The following WDR26 variants were observed in gnomAD, a reference collection of about 807,000 sequenced individuals.
WDR26 encodes the protein WD repeat domain 26, also known as WD repeat-containing protein 26.
In WDR26, 5 loss-of-function variants were observed where a neutral mutation model predicts 84.1. The observed-to-expected ratio is 0.06, with a 90% CI of 0.03 to 0.13. The LOEUF (loss-of-function observed/expected upper bound fraction) is 0.13, where lower values mean the gene tolerates loss of function less well. Ranked by LOEUF, WDR26 falls within the 10% of genes least tolerant of loss-of-function variation. WDR26 has a pLI of 1.00. For synonymous variants in WDR26, 415 were observed against 389.6 expected (o/e 1.07, Z -0.77); for missense variants, 642 against 974.9 (o/e 0.66, Z 4.55).
At chr1:224,424,231 A>G (rs921338546) in intron 4 of WDR26, among the ~76,000 whole-genome samples, 2 of 152,232 alleles carry the variant, frequency 1.3e-5, no homozygotes, top group Admixed American at 6.5e-5. Flanking sequence ...GTTTTTAACT[A>G]CAAAAGCTGT....
intron 6 of WDR26, 92 bp downstream of exon 6, chr1:224,418,168 G>T: frequency 9.2e-7 from 1 of 1,085,318 alleles, no homozygotes; most frequent in Non-Finnish European, 1.3e-6. Flanking sequence ...GACATGAACT[G>T]TTATATAGCT....
chr1:224,406,328 G>A (rs1384356207), intron 7 of WDR26, among the ~76,000 whole-genome samples: 1 of 152,168 alleles, frequency 6.6e-6, no homozygotes, highest in Non-Finnish European at 1.5e-5. Flanking sequence ...TTTGACTAAA[G>A]GTGGGAAGAA....
chr1:224,414,959 A>C (rs1192257389), intron 6 of WDR26, among the ~76,000 whole-genome samples: 2 of 152,218 alleles, frequency 1.3e-5, no homozygotes, highest in Admixed American at 1.3e-4. Flanking sequence ...GTGAACTATA[A>C]TTGCACCACT....
chr1:224,425,697 G>A (rs1674189738), intron 3 of WDR26, among the ~76,000 whole-genome samples: 1 of 152,136 alleles, frequency 6.6e-6, no homozygotes, highest in South Asian at 2.1e-4. Flanking sequence ...TTTCATCATA[G>A]TTGCTACTTG....
intron 7 of WDR26, among the ~76,000 whole-genome samples, chr1:224,409,380 T>C (rs1673669339): frequency 6.6e-6 from 1 of 152,244 alleles, no homozygotes; most frequent in South Asian, 2.1e-4. Flanking sequence ...CTTTGATTTA[T>C]GCATTTAAAC....
chr1:224,403,162 C>T (rs1673462371), intron 8 of WDR26, among the ~76,000 whole-genome samples: 1 of 152,062 alleles, frequency 6.6e-6, no homozygotes, highest in African/African-American at 2.4e-5. Context: ...AAGCGATTCT[C>T]CTGCCTCAGC....
intron 6 of WDR26, 46 bp from the exon 7 acceptor site, chr1:224,411,611 GTAA>G (rs778130920): frequency 2.0e-6 from 3 of 1,489,258 alleles, no homozygotes; most frequent in South Asian, 1.4e-5. Context: ...ACAGATTAGA[GTAA>G]TAATAATAAA....
intron 3 of WDR26, chr1:224,429,963 A>C (rs1674339242): frequency 6.6e-6 from 1 of 152,236 alleles, no homozygotes; most frequent in Non-Finnish European, 1.5e-5. Context: ...CCAAGAAATC[A>C]CACACATTTT....
rs73125527 is a variant in WDR26 at position 224,400,506 on chromosome 1, G to A, written c.1719+444C>T. On this transcript the variant is annotated intron_variant, in intron 9 of 13. Transcript: ENST00000414423. ...ATTCTATTGGACAGCGCTTGTCTAC[G>A]ACGACAGCAAAGTAGGTGTTCATAG... 9.5e-3 allele frequency among the ~76,000 whole-genome samples: 1,445 copies of A among 152,186 alleles called. 25 individuals carry two copies. Among genetic ancestry groups the A allele is most frequent in the African/African-American group, 0.032 (1,349 of 41,516 alleles).
At chr1:224,419,302 A>G in intron 5 of WDR26, 1 of 495,154 alleles carries the variant, frequency 2.0e-6, no homozygotes, top group South Asian at 3.1e-5. Flanking sequence ...CATAATACAA[A>G]TGAAAGAAGG....
rs541687259 is a variant in WDR26, at chr1:224,422,175, T to A, written c.1064+2343A>T. Among the ~76,000 whole-genome samples, 8 of 152,176 alleles carry A rather than the reference T, an allele frequency of 5.3e-5. No individual in the cohort carries two copies. In the East Asian group the frequency reaches 1.5e-3, roughly 29 times the overall value. On this transcript the variant is annotated intron_variant, in intron 4 of 13. Coordinates refer to ENST00000414423, the MANE Select transcript of WDR26 (RefSeq NM_001379403.1). ...CTATGCAAAGACTGGGGGACATACA[T>A]TTCAGATGGAGGGGACAAGCAGTGC...
intron 6 of WDR26, among the ~76,000 whole-genome samples, chr1:224,415,401 G>GATGTCATTAGAACC (rs919743603): frequency 6.6e-6 from 1 of 151,308 alleles, no homozygotes; most frequent in African/African-American, 2.4e-5. Flanking sequence ...TAGAACCATG[G>GATGTCATTAGAACC]AAGTATAACT....
Position 224,411,428 on chromosome 1 carries a change from G to C in WDR26, c.1457C>G (p.Pro486Arg), listed in dbSNP as rs752279779. The change falls in exon 7 of 14, where the codon CCG (proline) becomes CGG (arginine). Residue 486 changes from proline to arginine, a missense_variant and splice_region_variant. Transcript: ENST00000414423. ...AAACACTCATATTGGGGTACATACC[G>C]GATCAACTTGCCATATGATAACTGT... 6.2e-7 allele frequency: 1 copy of C among 1,607,290 alleles called. No homozygotes were observed. The highest frequency in any genetic ancestry group is 1.1e-5 in the South Asian group (1 of 88,824).
intron 4 of WDR26, among the ~76,000 whole-genome samples, chr1:224,422,346 G>C (rs976063548): frequency 1.3e-5 from 2 of 152,252 alleles, no homozygotes; most frequent in Admixed American, 6.5e-5. Flanking sequence ...TGGAGAGCCA[G>C]TGGCAAGGGA....
chr1:224,422,249 C>A (rs1033168083), intron 4 of WDR26, among the ~76,000 whole-genome samples: 6 of 152,076 alleles, frequency 3.9e-5, no homozygotes, highest in Admixed American at 3.9e-4. Context: ...GCATGAGTGT[C>A]ACTAGAGTAA....
intron 3 of WDR26, 88 bp downstream of exon 3, chr1:224,431,388 TA>T (rs776669986): frequency 1.7e-6 from 2 of 1,211,562 alleles, no homozygotes; most frequent in South Asian, 2.7e-5. Context: ...TTTTAGGCCT[TA>T]TTTTTTTATA....
intron 3 of WDR26, among the ~76,000 whole-genome samples, chr1:224,428,967 C>T (rs1022775365): frequency 6.6e-6 from 1 of 150,468 alleles, no homozygotes; most frequent in Non-Finnish European, 1.5e-5. Flanking sequence ...ACCATTTAAT[C>T]GGAAACCATT....
chr1:224,433,952 C>T lies in WDR26; in HGVS notation c.454G>A (p.Asp152Asn). The change falls in exon 1 of 14, where the codon GAC becomes AAC. Residue 152 changes from aspartate (D) to asparagine (N), a missense_variant. By Grantham distance (23) the Asp-to-Asn change is conservative. Coordinates refer to ENST00000414423, the MANE Select transcript of WDR26 (RefSeq NM_001379403.1). ...AGGAGCCCATTGGCGTGGGCCAGGTCCCCCGCGGACGACGACGACGAGGGG... is the reference window on the plus strand; with the variant it reads ...AGGAGCCCATTGGCGTGGGCCAGGTTCCCCGCGGACGACGACGACGAGGGG... 6.5e-7 allele frequency: 1 copy of T among 1,532,452 alleles called. No individual in the cohort carries two copies. Among genetic ancestry groups the T allele is most frequent in the Middle Eastern group, 1.7e-4 (1 of 5,950 alleles). The allele number at this position is 1,532,452 out of a possible 1,614,324, so 94.9% of individuals were successfully genotyped here.
intron 6 of WDR26, 52 bp downstream of exon 6, chr1:224,418,208 A>T: frequency 6.6e-7 from 1 of 1,515,598 alleles, no homozygotes; most frequent in South Asian, 1.3e-5. Flanking sequence ...AAGAAAACTA[A>T]AATTTTGTAA....
Sources: gnomAD v4.1 joint callset for allele counts (sites outside exome capture counted in the v4.1 genomes callset) on GRCh38, gnomAD v4.1.1 for gene constraint, MANE v1.5 for transcripts, NCBI Gene and HGNC (gene_info 2026-07-23, HGNC 2026-07-21) for gene names.